PDE1A: variants seen among roughly 807,000 people sequenced by gnomAD.
The protein encoded by PDE1A is phosphodiesterase 1A.
PDE1A carries 35 observed loss-of-function variants against 61.7 expected under a neutral mutation model. The ratio of observed to expected loss-of-function variants is 0.57; its 90% CI spans 0.43 to 0.75. The LOEUF (loss-of-function observed/expected upper bound fraction) is 0.75, where lower values mean the gene tolerates loss of function less well. PDE1A is among the 30% of genes least tolerant of loss of function. The pLI is 0.00. For missense variants in PDE1A, 597 were observed against 630.6 expected, an observed-to-expected ratio of 0.95 and a Z score of 0.57; for synonymous variants, 232 against 213.2, an observed-to-expected ratio of 1.09 and a Z score of -0.77.
chr2:182,459,772 G>A (rs961555620), intron 2 of PDE1A, among the ~76,000 whole-genome samples: 1 of 152,066 alleles, frequency 6.6e-6, no homozygotes, highest in Non-Finnish European at 1.5e-5. Flanking sequence ...AATGTGAGCA[G>A]CCAAAAAACC....
chr2:182,478,751 C>A (rs1329776705), intron 2 of PDE1A, among the ~76,000 whole-genome samples: 1 of 151,826 alleles, frequency 6.6e-6, no homozygotes, highest in Non-Finnish European at 1.5e-5. Flanking sequence ...TAAAAGTTGA[C>A]ATTTTTCTAT....
chr2:182,559,567 T>C, the PDE1A span, among the ~76,000 whole-genome samples: 1 of 152,180 alleles, frequency 6.6e-6, no homozygotes, highest in African/African-American at 2.4e-5. Flanking sequence ...AAAACTACTT[T>C]ACGGTACCTA....
the PDE1A span, among the ~76,000 whole-genome samples, chr2:182,597,636 TAAG>T: frequency 1.2e-3 from 185 of 152,330 alleles, 1 homozygote; most frequent in Non-Finnish European, 2.2e-3. Context: ...ACTTCTAAAT[TAAG>T]AAGTGTACTT....
intron 2 of PDE1A, among the ~76,000 whole-genome samples, chr2:182,242,701 C>T (rs1234770668): frequency 2.0e-5 from 3 of 152,102 alleles, no homozygotes; most frequent in Non-Finnish European, 2.9e-5. Context: ...TTAAGGTCCC[C>T]CAAAGAGAAA....
chr2:182,613,482 G>A, the PDE1A span, among the ~76,000 whole-genome samples: 1 of 151,192 alleles, frequency 6.6e-6, no homozygotes, highest in African/African-American at 2.4e-5. Context: ...AGAATTGCGT[G>A]AACCTAGGAG....
intron 2 of PDE1A, among the ~76,000 whole-genome samples, chr2:182,498,326 A>C (rs76381034): frequency 0.023 from 3,488 of 152,224 alleles, 96 homozygotes; most frequent in East Asian, 0.14. Flanking sequence ...TATTATATAC[A>C]TAGCAAAAGA....
chr2:182,599,847 T>C, the PDE1A span, among the ~76,000 whole-genome samples: 2 of 152,240 alleles, frequency 1.3e-5, no homozygotes, highest in Admixed American at 1.3e-4. Flanking sequence ...TTGACCCAAA[T>C]GTAATATCTG....
At chr2:182,572,342 C>A in the PDE1A span, among the ~76,000 whole-genome samples, 2 of 151,942 alleles carry the variant, frequency 1.3e-5, no homozygotes, top group African/African-American at 2.4e-5. Context: ...TCTGATATAA[C>A]TCTGCAGGAA....
chr2:182,191,011 T>C (rs1685641682), intron 10 of PDE1A, among the ~76,000 whole-genome samples: 1 of 152,040 alleles, frequency 6.6e-6, no homozygotes, highest in African/African-American at 2.4e-5. Context: ...ATGAATGCAA[T>C]ATGTACAAAT....
At chr2:182,265,409 T>C (rs1037986428) in intron 1 of PDE1A, among the ~76,000 whole-genome samples, 4 of 152,108 alleles carry the variant, frequency 2.6e-5, no homozygotes, top group Non-Finnish European at 4.4e-5. Context: ...TAAAAGTTAA[T>C]TGAGACAAGA....
the PDE1A span, among the ~76,000 whole-genome samples, chr2:182,667,104 A>G: frequency 6.6e-6 from 1 of 152,180 alleles, no homozygotes. Context: ...AAGTAGGTAG[A>G]AATCCATCAC....
chr2:182,588,814 C>A, the PDE1A span, among the ~76,000 whole-genome samples: 1 of 152,056 alleles, frequency 6.6e-6, no homozygotes, highest in South Asian at 2.1e-4. Flanking sequence ...GAGGCCGAGG[C>A]AGGCGGATCA....
chr2:182,153,626 G>T (rs1451907534), intron 13 of PDE1A, among the ~76,000 whole-genome samples: 3 of 152,224 alleles, frequency 2.0e-5, no homozygotes, highest in Non-Finnish European at 4.4e-5. Flanking sequence ...TTGATTGAAG[G>T]TAGAGAAGTT....
chr2:182,279,955 C>T (rs833135), intron 1 of PDE1A, among the ~76,000 whole-genome samples: 110,210 of 151,598 alleles, frequency 0.73, 40,784 homozygotes, highest in African/African-American at 0.88. Flanking sequence ...CCTCCTGTTA[C>T]GGTGAATAAG....
the PDE1A span, among the ~76,000 whole-genome samples, chr2:182,652,086 A>C: frequency 6.6e-6 from 1 of 152,190 alleles, no homozygotes; most frequent in African/African-American, 2.4e-5. Flanking sequence ...AATGCATATA[A>C]GGTATGTTTT....
the PDE1A span, among the ~76,000 whole-genome samples, chr2:182,567,798 C>CT: frequency 0.027 from 3,455 of 126,514 alleles, 142 homozygotes; most frequent in African/African-American, 0.09. Context: ...TTTCTTTTTT[C>CT]TTTTTTTTTT....
chr2:182,374,854 T>G (rs1668139016), intron 1 of PDE1A, among the ~76,000 whole-genome samples: 1 of 152,220 alleles, frequency 6.6e-6, no homozygotes, highest in South Asian at 2.1e-4. Context: ...GAGGTTTAAC[T>G]GAACTTACAG....
intron 1 of PDE1A, among the ~76,000 whole-genome samples, chr2:182,389,926 T>A (rs1701326033): frequency 6.6e-6 from 1 of 152,190 alleles, no homozygotes; most frequent in Admixed American, 6.5e-5. Context: ...GTTCTTCAGC[T>A]TTTGGACGCT....
chr2:182,274,233 T>C (rs1329241915), intron 1 of PDE1A, among the ~76,000 whole-genome samples: 1 of 152,136 alleles, frequency 6.6e-6, no homozygotes, highest in Non-Finnish European at 1.5e-5. Flanking sequence ...GACACAAATA[T>C]ATCAAATGGC....
Sources: gnomAD v4.1 joint callset for allele counts (sites outside exome capture counted in the v4.1 genomes callset) on GRCh38, gnomAD v4.1.1 for gene constraint, MANE v1.5 for transcripts, NCBI Gene and HGNC (gene_info 2026-07-23, HGNC 2026-07-21) for gene names.